The following ITCH variants were observed in gnomAD, a reference collection of about 807,000 sequenced individuals.
ITCH encodes the protein E3 ubiquitin-protein ligase Itchy homolog.
A neutral mutation model predicts 126.8 loss-of-function variants in ITCH; 28 were observed. The observed-to-expected ratio is 0.22, with a 90% CI of 0.16 to 0.30. ITCH has a LOEUF of 0.30. ITCH is among the 10% of genes least tolerant of loss of function. The probability of loss-of-function intolerance (pLI) is 1.00; values close to 1 mark genes in which losing one functional copy is unlikely to be tolerated. For synonymous variants in ITCH, 342 were observed against 340.0 expected, an observed-to-expected ratio of 1.01 and a Z score of -0.06; for missense variants, 631 against 1,032.4, an observed-to-expected ratio of 0.61 and a Z score of 5.33.
rs1325245345 is a variant in ITCH, at chr20:34,461,942, C to CATCCT, written c.1296-150_1296-149insTCCTA. 4.3e-6 allele frequency: 3 copies of CATCCT among 700,204 alleles called. No individual in the cohort carries two copies. In the Admixed American group the frequency reaches 7.7e-5, roughly 18 times the overall value. 43.4% of individuals were successfully genotyped at this position (700,204 alleles called of 1,614,324 possible). ...GAGTTTAACCTGTTTGTAGGATGTC[C>CATCCT]ACATAGAGATGTCTAGTATACAACT... On this transcript the variant is annotated intron_variant, in intron 13 of 24. Transcript: ENST00000374864.
intron 2 of ITCH, among the ~76,000 whole-genome samples, chr20:34,373,458 T>C (rs1267204002): frequency 6.6e-6 from 1 of 152,088 alleles, no homozygotes; most frequent in Admixed American, 6.6e-5. Flanking sequence ...ATATTTTTAC[T>C]AGAGATGGGG....
At chr20:34,449,578 C>G in intron 12 of ITCH, 98 bp downstream of exon 12, 1 of 843,646 alleles carries the variant, frequency 1.2e-6, no homozygotes, top group Non-Finnish European at 2.0e-6. Context: ...TGATACTGTG[C>G]TCTTGCTTGA....
chr20:34,377,347 C>A (rs534528958), intron 2 of ITCH, among the ~76,000 whole-genome samples: 10 of 152,246 alleles, frequency 6.6e-5, no homozygotes, highest in African/African-American at 2.4e-4. Context: ...GCACTCCAGC[C>A]TGGGCGACAG....
At chr20:34,471,870 A>G (rs1185072886) in intron 16 of ITCH, among the ~76,000 whole-genome samples, 2 of 152,076 alleles carry the variant, frequency 1.3e-5, no homozygotes, top group African/African-American at 2.4e-5. Flanking sequence ...TTGGTAGCCA[A>G]AGGTCTGGAA....
intron 2 of ITCH, among the ~76,000 whole-genome samples, chr20:34,383,922 G>A (rs979204359): frequency 1.1e-4 from 16 of 143,442 alleles, no homozygotes; most frequent in Non-Finnish European, 2.1e-4. Context: ...TTGGCTCGTC[G>A]CAACCTCTGC....
intron 4 of ITCH, among the ~76,000 whole-genome samples, chr20:34,411,821 A>G (rs908074775): frequency 2.6e-5 from 4 of 152,156 alleles, no homozygotes; most frequent in Non-Finnish European, 2.9e-5. Flanking sequence ...TGCAAATTCA[A>G]ATTTCCCAGT....
chr20:34,454,178 C>T (rs1322071709), intron 12 of ITCH, among the ~76,000 whole-genome samples: 2 of 148,884 alleles, frequency 1.3e-5, no homozygotes, highest in African/African-American at 2.5e-5. Flanking sequence ...CGCTCTGTCG[C>T]CCAGGCTGGA....
chr20:34,489,755 C>A, intron 21 of ITCH, 67 bp from the exon 22 acceptor site: 1 of 1,040,702 alleles, frequency 9.6e-7, no homozygotes, highest in Non-Finnish European at 1.5e-6. Context: ...TAATCTTAGT[C>A]TTTCCTATGT....
chr20:34,475,660 C>G (rs1261276835), intron 16 of ITCH, among the ~76,000 whole-genome samples: 1 of 148,232 alleles, frequency 6.7e-6, no homozygotes, highest in African/African-American at 2.5e-5. Flanking sequence ...AGAGGGAGAG[C>G]GAGACCGTGG....
rs1326551793 is a variant in ITCH at position 34,456,184 on chromosome 20, GTATATATATATATA to G, written c.1211-1188_1211-1175del. On this transcript the variant is annotated intron_variant, in intron 12 of 24. Transcript: ENST00000374864. ...TGTGTGTGTGTGTGTGTGTGTGTGT[GTATATATATATATA>G]TATATATATATATATATTTTTTTTT... 4.4e-4 allele frequency among the ~76,000 whole-genome samples: 21 copies of G among 47,238 alleles called. 1 individual carries two copies. Among genetic ancestry groups the G allele is most frequent in the African/African-American group, 2.5e-3 (19 of 7,732 alleles). 31.0% of individuals were successfully genotyped at this position (47,238 alleles called of 152,430 possible).
At chr20:34,413,041 C>T (rs1325822173) in intron 5 of ITCH, among the ~76,000 whole-genome samples, 1 of 151,800 alleles carries the variant, frequency 6.6e-6, no homozygotes, top group Non-Finnish European at 1.5e-5. Flanking sequence ...CAAGGACTCA[C>T]TCTGTTTTCC....
intron 2 of ITCH, among the ~76,000 whole-genome samples, chr20:34,377,017 G>A (rs1054982704): frequency 1.3e-5 from 2 of 152,158 alleles, no homozygotes; most frequent in Non-Finnish European, 2.9e-5. Flanking sequence ...AGTCCCAACA[G>A]TGTCCTTGTT....
At chr20:34,397,017 GT>G (rs577479667) in intron 3 of ITCH, among the ~76,000 whole-genome samples, 1 of 151,554 alleles carries the variant, frequency 6.6e-6, no homozygotes, top group Non-Finnish European at 1.5e-5. Context: ...GTCTTTGTAG[GT>G]TTTTTGTTTT....
chr20:34,400,480 A>G (rs906501007), intron 3 of ITCH, among the ~76,000 whole-genome samples: 2 of 152,018 alleles, frequency 1.3e-5, no homozygotes, highest in African/African-American at 4.8e-5. Flanking sequence ...TACCCATGAA[A>G]GCTCCTATAA....
intron 7 of ITCH, among the ~76,000 whole-genome samples, chr20:34,432,048 CAAAAAAA>C (rs10668679): frequency 6.5e-5 from 6 of 92,234 alleles, no homozygotes; most frequent in African/African-American, 2.1e-4. Context: ...GATTCTATGT[CAAAAAAA>C]AAAAAAAAAA....
chr20:34,427,646 T>G (rs7509243), intron 7 of ITCH, among the ~76,000 whole-genome samples: 1 of 152,182 alleles, frequency 6.6e-6, no homozygotes, highest in Non-Finnish European at 1.5e-5. Context: ...TTTAAAAAAT[T>G]ACATAAATAT....
At chr20:34,487,730 G>A (rs899043540) in intron 20 of ITCH, among the ~76,000 whole-genome samples, 2 of 152,140 alleles carry the variant, frequency 1.3e-5, no homozygotes, top group Admixed American at 6.5e-5. Context: ...CCTGAGGTCA[G>A]GAGTTCGAGA....
intron 24 of ITCH, among the ~76,000 whole-genome samples, chr20:34,507,284 T>G (rs916059739): frequency 0.016 from 1,612 of 99,516 alleles, 27 homozygotes; most frequent in African/African-American, 0.036. Context: ...TTTTTTTTTT[T>G]TTTTTGGTTG....
At chr20:34,401,744 T>A (rs2146111080) in intron 3 of ITCH, 1 of 544,166 alleles carries the variant, frequency 1.8e-6, no homozygotes, top group East Asian at 1.5e-4. Context: ...AAAACAAACC[T>A]CCCCCCTAAA....
Sources: gnomAD v4.1 joint callset for allele counts (sites outside exome capture counted in the v4.1 genomes callset) on GRCh38, gnomAD v4.1.1 for gene constraint, MANE v1.5 for transcripts, NCBI Gene and HGNC (gene_info 2026-07-23, HGNC 2026-07-21) for gene names.